MDN1: variants seen among roughly 807,000 people sequenced by gnomAD.
The protein encoded by MDN1 is midasin AAA ATPase 1.
MDN1 carries 266 observed loss-of-function variants against 669.2 expected under a neutral mutation model. The ratio of observed to expected loss-of-function variants is 0.40; its 90% CI spans 0.36 to 0.44. The LOEUF (loss-of-function observed/expected upper bound fraction) is 0.44, where lower values mean the gene tolerates loss of function less well. Among genes scored for constraint, MDN1 ranks in the 20% least tolerant of loss-of-function variants. The pLI, the probability that MDN1 is intolerant of heterozygous loss-of-function variation, is 1.00. For missense variants in MDN1, 5,940 were observed against 6,754.0 expected (o/e 0.88, Z 4.22); for synonymous variants, 2,385 against 2,457.1 (o/e 0.97, Z 0.87).
chr6:89,738,514 C>T, intron 32 of MDN1, 59 bp from the exon 33 acceptor site: 1 of 1,588,228 alleles, frequency 6.3e-7, no homozygotes, highest in Admixed American at 1.7e-5. Flanking sequence ...AGCTGGAAAA[C>T]AAGTCTTGAA....
chr6:89,722,677 G>A (rs1055728112), intron 40 of MDN1, among the ~76,000 whole-genome samples: 22 of 151,976 alleles, frequency 1.4e-4, no homozygotes, highest in Admixed American at 2.6e-4. Flanking sequence ...GTGAAACCCC[G>A]TTTCTACTAA....
intron 23 of MDN1, 173 bp downstream of exon 23, chr6:89,751,258 A>C: frequency 1.3e-6 from 1 of 752,660 alleles, no homozygotes; most frequent in African/African-American, 1.8e-5. Flanking sequence ...TTGCACAACT[A>C]GAAACAAAGT....
chr6:89,795,771 G>A (rs1415961515), intron 2 of MDN1, among the ~76,000 whole-genome samples: 1 of 151,866 alleles, frequency 6.6e-6, no homozygotes, highest in Non-Finnish European at 1.5e-5. Flanking sequence ...GGACCAATAT[G>A]GTGAAACCCC....
chr6:89,699,867 G>A (rs944029596), intron 57 of MDN1, 140 bp from the exon 58 acceptor site: 42 of 1,168,792 alleles, frequency 3.6e-5, no homozygotes, highest in Middle Eastern at 4.1e-4. Context: ...TAAAATTCTC[G>A]GTGACTTTTA....
At position 89,672,442 on chromosome 6, in the gene MDN1, T is replaced by A; in HGVS notation, c.13631-79A>T. On this transcript the variant is annotated intron_variant, in intron 81 of 101. Transcript: ENST00000369393. Reference sequence around the variant, plus strand: ...CCTTTTATCTCTATCCATGCAGTTATCTGTTTCTAACATCCATCCTTAACT... The same window carrying A: ...CCTTTTATCTCTATCCATGCAGTTAACTGTTTCTAACATCCATCCTTAACT... 4.4e-6 allele frequency: 7 copies of A among 1,594,850 alleles called. No homozygotes were observed. In the South Asian group the frequency reaches 5.7e-5, roughly 13 times the overall value.
Position 89,670,906 on chromosome 6 carries a change from G to C in MDN1, c.13956+13C>G, listed in dbSNP as rs1293806807. On this transcript the variant is annotated intron_variant, in intron 83 of 101. Coordinates refer to ENST00000369393, the MANE Select transcript of MDN1 (RefSeq NM_014611.3). ...CCCTGCTGCTCACAGTGCACCATGT[G>C]AACAGTCCTTACCTTCTGGGCAAGC... 1.2e-6 allele frequency: 2 copies of C among 1,613,096 alleles called. No homozygotes were observed. The highest frequency in any genetic ancestry group is 1.7e-6 in the Non-Finnish European group (2 of 1,179,436).
chr6:89,791,934 C>T (rs2128326808), intron 5 of MDN1, among the ~76,000 whole-genome samples: 1 of 127,918 alleles, frequency 7.8e-6, no homozygotes, highest in Admixed American at 9.8e-5. Flanking sequence ...GTGGCACGAT[C>T]TCGGCTCACT....
At position 89,701,556 on chromosome 6, in the gene MDN1, A is replaced by G; in HGVS notation, c.8427+2T>C. 6.2e-7 allele frequency: 1 copy of G among 1,613,850 alleles called. No homozygotes were observed. Among genetic ancestry groups the G allele is most frequent in the Non-Finnish European group, 8.5e-7 (1 of 1,179,922 alleles). On this transcript the variant is annotated splice_donor_variant, in intron 55 of 101. Coordinates refer to ENST00000369393, the MANE Select transcript of MDN1 (RefSeq NM_014611.3). LOFTEE classifies it high-confidence loss of function. ...TTATTTACTAAATGCTTCCAGGTGT[A>G]CCTTAAAAGGAAACGGTCGTCCCAG...
At position 89,693,009 on chromosome 6, in the gene MDN1, G is replaced by A. The variant is rs1465028813; in HGVS notation, c.10021C>T (p.Pro3341Ser). Residue 3341 changes from proline (P) to serine (S), a missense_variant, in exon 63 of 102, where the codon CCT (proline) becomes TCT (serine). Physicochemically the swap from Pro to Ser is moderately conservative, Grantham distance 74. This residue lies in a region of MDN1 where 150 missense variants were observed against 234.2 expected (regional missense o/e 0.64). Transcript: ENST00000369393. ...CGTGTGAGCAGATCCTGAACAGCAG[G>A]GGCCTTGGCGATGCTGGTGACGTAG... ...HHYVTSIAKA[P>S]AVQDLLTRLL... 6.2e-7 allele frequency: 1 copy of A among 1,614,200 alleles called. No individual in the cohort carries two copies. The highest frequency in any genetic ancestry group is 8.5e-7 in the Non-Finnish European group (1 of 1,180,040).
chr6:89,707,418 C>T lies in MDN1; in HGVS notation c.7957G>A (p.Val2653Ile), dbSNP rs755275067. The T allele has an allele frequency of 1.9e-5, 30 of 1,614,102 alleles. No homozygotes were observed. In the Admixed American group the frequency reaches 4.2e-4, roughly 22 times the overall value. Residue 2653 changes from valine (V) to isoleucine (I), a missense_variant, in exon 52 of 102, where the codon GTT becomes ATT. By Grantham distance (29) the Val-to-Ile change is conservative. Around this residue, in one of 5 missense-constraint regions of MDN1, gnomAD observed 2,292 missense variants for 2,638.3 expected, o/e 0.87. Coordinates refer to ENST00000369393, the MANE Select transcript of MDN1 (RefSeq NM_014611.3). ...CTCTCTCTTAGCTTTTTGCTACCAA[C>T]AGAAACCAAATTTGCTTCAGTAAAA... ...RVFTEANLVS[V>I]GSKKLRESVL... is the part of the protein sequence containing the mutation.
At chr6:89,703,726 T>C (rs1429138653) in intron 53 of MDN1, among the ~76,000 whole-genome samples, 1 of 151,966 alleles carries the variant, frequency 6.6e-6, no homozygotes, top group African/African-American at 2.4e-5. Flanking sequence ...GAAAAACAAT[T>C]GAGAGGCCAG....
intron 1 of MDN1, among the ~76,000 whole-genome samples, chr6:89,804,086 T>G (rs938167315): frequency 2.6e-5 from 4 of 151,322 alleles, no homozygotes; most frequent in African/African-American, 9.7e-5. Context: ...ATTTGTTTTG[T>G]TTTAGTAGAG....
intron 9 of MDN1, among the ~76,000 whole-genome samples, chr6:89,783,661 T>G (rs113098946): frequency 6.6e-6 from 1 of 152,190 alleles, no homozygotes; most frequent in African/African-American, 2.4e-5. Context: ...CCTCCCCTTT[T>G]GAAACCCTTA....
chr6:89,661,463 C>A lies in MDN1; in HGVS notation c.14681G>T (p.Gly4894Val). The A allele has an allele frequency of 6.2e-7, 1 of 1,614,092 alleles. No homozygotes were observed. The highest frequency in any genetic ancestry group is 8.5e-7 in the Non-Finnish European group (1 of 1,180,004). The change falls in exon 88 of 102, where the codon GGT becomes GTT. Residue 4894 changes from glycine to valine, a missense_variant. By Grantham distance (109) the Gly-to-Val change is moderately radical (BLOSUM62 -3). This residue lies in a region of MDN1 where 2,280 missense variants were observed against 2,576.3 expected (regional missense o/e 0.88). Coordinates refer to ENST00000369393, the MANE Select transcript of MDN1 (RefSeq NM_014611.3). Reference protein sequence around the residue: ...DLNLDSEDKNGGEDTDNEEGE... With the variant: ...DLNLDSEDKNVGEDTDNEEGE... Reference sequence around the variant, plus strand: ...TTCTTCATTGTCGGTGTCCTCACCACCATTCTTGTCTTCACTGTCGAGGTT... The same window carrying A: ...TTCTTCATTGTCGGTGTCCTCACCAACATTCTTGTCTTCACTGTCGAGGTT...
At position 89,643,696 on chromosome 6, in the gene MDN1, G is replaced by C; in HGVS notation, c.*309C>G. On this transcript the variant is annotated 3_prime_UTR_variant, in exon 102 of 102. Transcript: ENST00000369393. ...ACAGGTGCCCAGATCCCCTGCAAAA[G>C]AAAACAGGCAGCTGGGCTCCAACGG... The C allele has an allele frequency of 4.3e-6, 1 of 233,500 alleles. No homozygotes were observed. 14.5% of individuals were successfully genotyped at this position (233,500 alleles called of 1,614,324 possible).
chr6:89,646,260 C>T (rs1367054863), intron 100 of MDN1, among the ~76,000 whole-genome samples: 1 of 152,208 alleles, frequency 6.6e-6, no homozygotes. Flanking sequence ...TAATTCCACA[C>T]ACACCTTGCT....
At chr6:89,663,778 CAA>C (rs1013801596) in intron 85 of MDN1, among the ~76,000 whole-genome samples, 1 of 140,306 alleles carries the variant, frequency 7.1e-6, no homozygotes. Context: ...ACTAAAAATA[CAA>C]AAAAAAAAAG....
chr6:89,694,612 T>C (rs1812606481), intron 61 of MDN1, among the ~76,000 whole-genome samples: 2 of 152,162 alleles, frequency 1.3e-5, no homozygotes, highest in South Asian at 4.1e-4. Flanking sequence ...GGTGCAGTCA[T>C]GGCTCACCGC....
chr6:89,785,978 T>G (rs1818935502), intron 8 of MDN1, among the ~76,000 whole-genome samples: 1 of 150,566 alleles, frequency 6.6e-6, no homozygotes, highest in African/African-American at 2.4e-5. Context: ...TAAAAAAACA[T>G]AAAATAAGAC....
Sources: allele counts gnomAD v4.1 joint callset (sites outside exome capture counted in the v4.1 genomes callset), GRCh38; gene constraint gnomAD v4.1.1; regional missense constraint gnomAD v4.1.1; transcripts MANE v1.5; gene names NCBI Gene and HGNC (gene_info 2026-07-23, HGNC 2026-07-21).